Variants in GALNT13 observed in about 807,000 individuals in gnomAD.
The protein encoded by GALNT13 is UDP-GalNAc:polypeptide N-acetylgalactosaminyltransferase 13.
A neutral mutation model predicts 64.2 loss-of-function variants in GALNT13; 28 were observed. The observed-to-expected ratio is 0.44, with a 90% CI of 0.32 to 0.60. The LOEUF (loss-of-function observed/expected upper bound fraction) is 0.60. GALNT13 is among the 20% of genes least tolerant of loss of function. The probability of loss-of-function intolerance (pLI) is 0.05; values close to 1 mark genes in which losing one functional copy is unlikely to be tolerated. For synonymous variants in GALNT13, 214 were observed against 224.6 expected, an observed-to-expected ratio of 0.95 and a Z score of 0.42; for missense variants, 577 against 669.8, an observed-to-expected ratio of 0.86 and a Z score of 1.53.
the GALNT13 span, among the ~76,000 whole-genome samples, chr2:153,726,664 G>A: frequency 3.4e-4 from 51 of 152,052 alleles, no homozygotes; most frequent in South Asian, 8.1e-3. Context: ...ACGTATGGCC[G>A]GGTGCGGTGG....
the GALNT13 span, among the ~76,000 whole-genome samples, chr2:153,342,319 T>G: frequency 2.0e-5 from 3 of 152,180 alleles, no homozygotes; most frequent in African/African-American, 7.2e-5. Flanking sequence ...TTTGGATGTT[T>G]ACAATTTTTT....
At chr2:153,151,056 G>T in the GALNT13 span, among the ~76,000 whole-genome samples, 1 of 151,968 alleles carries the variant, frequency 6.6e-6, no homozygotes, top group African/African-American at 2.4e-5. Flanking sequence ...AATTACCTTG[G>T]GCAGTATGGC....
chr2:154,428,638 A>T (rs926522780), intron 11 of GALNT13, among the ~76,000 whole-genome samples: 1 of 152,174 alleles, frequency 6.6e-6, no homozygotes, highest in African/African-American at 2.4e-5. Flanking sequence ...TGACAACCCT[A>T]CATGGAGCAT....
chr2:153,364,688 G>A, the GALNT13 span, among the ~76,000 whole-genome samples: 5 of 151,876 alleles, frequency 3.3e-5, no homozygotes, highest in African/African-American at 1.2e-4. Flanking sequence ...GAGACATGAA[G>A]GACCTCTTCA....
chr2:153,607,249 A>T, the GALNT13 span, among the ~76,000 whole-genome samples: 1 of 152,104 alleles, frequency 6.6e-6, no homozygotes, highest in Non-Finnish European at 1.5e-5. Context: ...GAAGAGATGT[A>T]AGGGCAACTG....
At chr2:154,012,743 C>G (rs576644065) in intron 3 of GALNT13, among the ~76,000 whole-genome samples, 5 of 152,212 alleles carry the variant, frequency 3.3e-5, no homozygotes, top group African/African-American at 9.6e-5. Context: ...TCACATTTCT[C>G]TGAGGTTTTG....
chr2:154,456,191 T>TTTGTTGTTGTTG (rs70983725), downstream of GALNT13, among the ~76,000 whole-genome samples: 7,060 of 146,274 alleles, frequency 0.048, 227 homozygotes, highest in African/African-American at 0.085. Flanking sequence ...TTTGTTTTGT[T>TTTGTTGTTGTTG]TTGTTGTTGT....
the GALNT13 span, among the ~76,000 whole-genome samples, chr2:153,102,391 T>A: frequency 6.6e-6 from 1 of 152,162 alleles, no homozygotes; most frequent in African/African-American, 2.4e-5. Context: ...GTGGCTACAT[T>A]GGAAGGTAAA....
the GALNT13 span, among the ~76,000 whole-genome samples, chr2:153,443,915 A>C: frequency 1.3e-5 from 2 of 151,724 alleles, no homozygotes; most frequent in African/African-American, 4.8e-5. Flanking sequence ...AAGAAACTCC[A>C]TTTCAAAAAA....
chr2:154,450,832 C>A lies in GALNT13; in HGVS notation c.*281C>A. 1 of 275,424 alleles carries A rather than the reference C, an allele frequency of 3.6e-6. No individual in the cohort carries two copies. Among genetic ancestry groups the A allele is most frequent in the Non-Finnish European group, 6.8e-6 (1 of 146,520 alleles). 17.1% of individuals were successfully genotyped at this position (275,424 alleles called of 1,614,324 possible). A position where few individuals can be genotyped will look rare whatever the true frequency, so the allele number is the denominator to read the frequency against. The stretch of plus-strand genomic sequence containing the variant: ...TTTGCTTTAAGAAAAATGTTTATTG[C>A]ACTCATGTCATAGGGTTAATTGGAG... On this transcript the variant is annotated 3_prime_UTR_variant, in exon 13 of 13. Coordinates refer to ENST00000392825, the MANE Select transcript of GALNT13 (RefSeq NM_052917.4).
the GALNT13 span, among the ~76,000 whole-genome samples, chr2:153,844,044 T>C: frequency 6.6e-6 from 1 of 152,166 alleles, no homozygotes; most frequent in Non-Finnish European, 1.5e-5. Flanking sequence ...CCTTTGGATC[T>C]ACCATTCTAA....
At chr2:153,906,145 G>A (rs543433182) in intron 2 of GALNT13, among the ~76,000 whole-genome samples, 2 of 151,620 alleles carry the variant, frequency 1.3e-5, no homozygotes, top group Middle Eastern at 3.4e-3. Flanking sequence ...AGTAAGGGGG[G>A]ACTTATTTAT....
chr2:153,396,457 A>G, the GALNT13 span, among the ~76,000 whole-genome samples: 11 of 152,076 alleles, frequency 7.2e-5, no homozygotes, highest in South Asian at 2.3e-3. Context: ...AAAACATGAG[A>G]TTAATTAGAG....
the GALNT13 span, among the ~76,000 whole-genome samples, chr2:153,574,083 T>A: frequency 6.6e-6 from 1 of 151,978 alleles, no homozygotes; most frequent in Non-Finnish European, 1.5e-5. Context: ...CATTTCTCCT[T>A]CATATGTGAA....
At chr2:153,122,983 C>T in the GALNT13 span, among the ~76,000 whole-genome samples, 2 of 151,604 alleles carry the variant, frequency 1.3e-5, no homozygotes, top group Admixed American at 6.6e-5. Context: ...ACTGGAGGTA[C>T]AAAGGAGACA....
At chr2:153,693,985 G>T in the GALNT13 span, among the ~76,000 whole-genome samples, 1 of 152,060 alleles carries the variant, frequency 6.6e-6, no homozygotes, top group Non-Finnish European at 1.5e-5. Flanking sequence ...GCGGGCACCT[G>T]TAGTTCCAGC....
At chr2:153,306,310 T>G in the GALNT13 span, among the ~76,000 whole-genome samples, 1 of 152,230 alleles carries the variant, frequency 6.6e-6, no homozygotes, top group African/African-American at 2.4e-5. Flanking sequence ...TGAACTAACT[T>G]CAGCTTCTTT....
At chr2:154,423,699 C>A (rs1700352716) in intron 11 of GALNT13, among the ~76,000 whole-genome samples, 2 of 152,166 alleles carry the variant, frequency 1.3e-5, no homozygotes, top group Admixed American at 6.5e-5. Flanking sequence ...ATCCCTTGTA[C>A]AGAAGAATTT....
intron 9 of GALNT13, among the ~76,000 whole-genome samples, chr2:154,314,716 A>C (rs887292713): frequency 2.6e-5 from 4 of 152,146 alleles, no homozygotes; most frequent in Non-Finnish European, 5.9e-5. Flanking sequence ...CAGGGAAACT[A>C]ATTGAGTGAG....
Sources: gnomAD v4.1 joint callset for allele counts (sites outside exome capture counted in the v4.1 genomes callset) on GRCh38, gnomAD v4.1.1 for gene constraint, MANE v1.5 for transcripts, NCBI Gene and HGNC (gene_info 2026-07-23, HGNC 2026-07-21) for gene names.